The following FAF1 variants were observed in gnomAD, a reference collection of about 807,000 sequenced individuals.
FAF1 encodes FAS-associated factor 1.
FAF1 carries 25 observed loss-of-function variants against 92.5 expected under a neutral mutation model. The observed-to-expected ratio is 0.27, with a 90% confidence interval of 0.20 to 0.38. The LOEUF (loss-of-function observed/expected upper bound fraction) is 0.38, where lower values mean the gene tolerates loss of function less well. Ranked by LOEUF, FAF1 falls within the 10% of genes least tolerant of loss-of-function variation. FAF1 has a pLI of 1.00. For missense variants in FAF1, 636 were observed against 793.3 expected, an observed-to-expected ratio of 0.80 and a Z score of 2.38; for synonymous variants, 234 against 273.2, an observed-to-expected ratio of 0.86 and a Z score of 1.42.
At chr1:50,451,638 C>T (rs1319737820) in intron 18 of FAF1, among the ~76,000 whole-genome samples, 2 of 152,100 alleles carry the variant, frequency 1.3e-5, no homozygotes, top group African/African-American at 2.4e-5. Context: ...TGCATATTTC[C>T]CCCATAACAG....
At chr1:50,489,662 T>G (rs1189209145) in intron 17 of FAF1, among the ~76,000 whole-genome samples, 1 of 152,162 alleles carries the variant, frequency 6.6e-6, no homozygotes, top group East Asian at 1.9e-4. Flanking sequence ...GTTTGCAAAA[T>G]GAGTGAATGA....
chr1:50,441,395 C>A lies in FAF1; in HGVS notation c.*45G>T, dbSNP rs1416447175. 10 of 1,275,030 alleles carry A rather than the reference C, an allele frequency of 7.8e-6. No individual in the cohort carries two copies. The highest frequency in any genetic ancestry group is 1.1e-5 in the Non-Finnish European group (10 of 926,118). 79.0% of individuals were successfully genotyped at this position (1,275,030 alleles called of 1,614,324 possible). On this transcript the variant is annotated 3_prime_UTR_variant, in exon 19 of 19. Transcript: ENST00000396153. Reference sequence around the variant, plus strand: ...CGAGGAGCCCTTCTCCTGACGCAGGCTGCTGGCTTGTCAAGGAATGGCTGG... The same window carrying A: ...CGAGGAGCCCTTCTCCTGACGCAGGATGCTGGCTTGTCAAGGAATGGCTGG...
chr1:50,530,221 T>C (rs1289600923), intron 15 of FAF1, among the ~76,000 whole-genome samples: 1 of 150,892 alleles, frequency 6.6e-6, no homozygotes, highest in Non-Finnish European at 1.5e-5. Context: ...TGAGTAGTTT[T>C]GCTAGCTTTA....
intron 17 of FAF1, among the ~76,000 whole-genome samples, chr1:50,484,637 C>T (rs1236855338): frequency 6.6e-6 from 1 of 151,730 alleles, no homozygotes; most frequent in Non-Finnish European, 1.5e-5. Flanking sequence ...TAATTATGGC[C>T]CAGTGTGGAC....
At chr1:50,877,152 A>G (rs1249652228) in intron 1 of FAF1, among the ~76,000 whole-genome samples, 1 of 152,224 alleles carries the variant, frequency 6.6e-6, no homozygotes, top group Non-Finnish European at 1.5e-5. Flanking sequence ...GTGGGGAGAA[A>G]GAGTACCTTT....
intron 8 of FAF1, among the ~76,000 whole-genome samples, chr1:50,612,868 C>T (rs1293087019): frequency 6.6e-6 from 1 of 152,220 alleles, no homozygotes; most frequent in Non-Finnish European, 1.5e-5. Flanking sequence ...TTCTGCTCAA[C>T]TCTTAAAACC....
Position 50,827,304 on chromosome 1 carries a change from G to C in FAF1, c.115-25627C>G, listed in dbSNP as rs530397695. ...TACTAAGAAAAATTCTTCTGCCTTG[G>C]GAGGCTGTTAATCTATAACCTTACC... is the stretch of plus-strand genomic sequence containing the variant. On this transcript the variant is annotated intron_variant, in intron 2 of 18. Transcript: ENST00000396153. 7.6e-4 allele frequency among the ~76,000 whole-genome samples: 115 copies of C among 152,274 alleles called. 1 individual carries two copies. Among genetic ancestry groups the C allele is most frequent in the African/African-American group, 2.7e-3 (111 of 41,534 alleles).
chr1:50,607,242 T>A (rs1433997863), intron 8 of FAF1, among the ~76,000 whole-genome samples: 1 of 152,172 alleles, frequency 6.6e-6, no homozygotes, highest in Non-Finnish European at 1.5e-5. Flanking sequence ...GTGGTATGAT[T>A]CCAGGTGTGT....
chr1:50,890,805 C>T (rs1237535945), intron 1 of FAF1, among the ~76,000 whole-genome samples: 1 of 152,166 alleles, frequency 6.6e-6, no homozygotes, highest in Admixed American at 6.5e-5. Flanking sequence ...TTTTTTCCTT[C>T]ATTTCAACTT....
chr1:50,502,817 A>G (rs1211048302), intron 15 of FAF1, among the ~76,000 whole-genome samples: 4 of 151,952 alleles, frequency 2.6e-5, no homozygotes, highest in African/African-American at 9.7e-5. Flanking sequence ...GTGTTTTTAA[A>G]CTTTTTTTTT....
At chr1:50,904,360 T>A (rs1242609918) in intron 1 of FAF1, among the ~76,000 whole-genome samples, 1 of 152,086 alleles carries the variant, frequency 6.6e-6, no homozygotes, top group Non-Finnish European at 1.5e-5. Context: ...AGCTGGGGAA[T>A]GGGGAAATGA....
chr1:50,538,315 A>AT (rs537069267), intron 14 of FAF1, among the ~76,000 whole-genome samples: 2 of 152,028 alleles, frequency 1.3e-5, no homozygotes, highest in South Asian at 4.1e-4. Context: ...CATACCTCCC[A>AT]TTGTGCCACA....
In FAF1 at chr1:50,705,851, T is replaced by C; in HGVS notation, c.592A>G (p.Ile198Val). The C allele has an allele frequency of 6.2e-7, 1 of 1,610,740 alleles. No individual in the cohort carries two copies. Among genetic ancestry groups the C allele is most frequent in the Non-Finnish European group, 8.5e-7 (1 of 1,178,386 alleles). The change falls in exon 7 of 19, where the codon ATC becomes GTC. Residue 198 changes from isoleucine to valine, a missense_variant. Physicochemically the swap from Ile to Val is conservative, Grantham distance 29. Coordinates refer to ENST00000396153, the MANE Select transcript of FAF1 (RefSeq NM_007051.3). The part of the protein sequence containing the change: ...ESLNQNFMLI[I>V]THREVQREYN... The stretch of plus-strand genomic sequence containing the variant: ...TCCCGCTGGACTTCTCGGTGGGTGA[T>C]GATCAGCATGAAGTTTTGATTTAAT...
intron 1 of FAF1, among the ~76,000 whole-genome samples, chr1:50,875,545 C>G (rs1250196437): frequency 6.6e-6 from 1 of 152,022 alleles, no homozygotes; most frequent in Non-Finnish European, 1.5e-5. Context: ...CTCCCTCTCC[C>G]AGGTTCAAGC....
intron 6 of FAF1, among the ~76,000 whole-genome samples, chr1:50,722,932 T>C (rs1304235978): frequency 6.6e-6 from 1 of 152,202 alleles, no homozygotes; most frequent in East Asian, 1.9e-4. Flanking sequence ...TTGATTTAGC[T>C]CCTTCCAAAG....
chr1:50,604,315 C>G (rs535511398), intron 8 of FAF1, among the ~76,000 whole-genome samples: 8 of 152,280 alleles, frequency 5.3e-5, no homozygotes, highest in Admixed American at 3.9e-4. Flanking sequence ...AAACTTCTAT[C>G]AGTGATCCCA....
rs1557966686 is a variant in FAF1, at chr1:50,490,444, G to GA, written c.1653+143dup. Reference sequence around the variant, plus strand: ...GGAAGGAAGGAAGGAAGGAAGGAAGGAAGGAAGGAAGGAAGGAAAAAGAAA... The same window carrying GA: ...GGAAGGAAGGAAGGAAGGAAGGAAGGAAAGGAAGGAAGGAAGGAAAAAGAAA... On this transcript the variant is annotated intron_variant, in intron 17 of 18. Transcript: ENST00000396153. The GA allele has an allele frequency of 5.0e-4, 195 of 386,654 alleles. 4 individuals carry two copies. The highest frequency in any genetic ancestry group is 3.5e-3 in the African/African-American group (129 of 36,804). 24.0% of individuals were successfully genotyped at this position (386,654 alleles called of 1,614,324 possible).
intron 2 of FAF1, among the ~76,000 whole-genome samples, chr1:50,827,394 G>A (rs980595392): frequency 6.6e-6 from 1 of 152,136 alleles, no homozygotes; most frequent in South Asian, 2.1e-4. Flanking sequence ...TAAGGGTGGT[G>A]CAAGATGTGC....
chr1:50,955,359 C>G (rs748213087), intron 1 of FAF1, among the ~76,000 whole-genome samples: 1 of 152,202 alleles, frequency 6.6e-6, no homozygotes, highest in African/African-American at 2.4e-5. Context: ...CTTTACACCC[C>G]CTCCTGGCTC....
Sources: gnomAD v4.1 joint callset for allele counts (sites outside exome capture counted in the v4.1 genomes callset) on GRCh38, gnomAD v4.1.1 for gene constraint, MANE v1.5 for transcripts, NCBI Gene and HGNC (gene_info 2026-07-23, HGNC 2026-07-21) for gene names.